Variants in BACH2 observed in about 807,000 individuals in gnomAD.
BACH2 encodes transcription regulator protein BACH2.
Under a neutral mutation model 61.8 loss-of-function variants are expected in BACH2, and 5 were observed. The observed-to-expected ratio is 0.08, with a 90% CI of 0.04 to 0.17. The LOEUF (loss-of-function observed/expected upper bound fraction) is 0.17. BACH2 is among the 10% of genes least tolerant of loss of function. The probability of loss-of-function intolerance (pLI) is 1.00; values close to 1 mark genes in which losing one functional copy is unlikely to be tolerated. For synonymous variants in BACH2, 446 were observed against 440.1 expected (o/e 1.01, Z -0.17); for missense variants, 824 against 1,091.1 (o/e 0.76, Z 3.45).
chr6:89,987,691 G>T (rs1054196495), intron 6 of BACH2, among the ~76,000 whole-genome samples: 3 of 152,082 alleles, frequency 2.0e-5, no homozygotes, highest in Admixed American at 2.0e-4. Flanking sequence ...TCTCTTCAGT[G>T]GTGGTGAGCT....
At chr6:90,256,043 G>A (rs1339504908) in intron 2 of BACH2, among the ~76,000 whole-genome samples, 5 of 152,062 alleles carry the variant, frequency 3.3e-5, no homozygotes, top group African/African-American at 9.7e-5. Context: ...TCCAAATTCT[G>A]AATTTCAAAC....
chr6:90,033,351 T>TAAAAAAAAAAA (rs57759686), intron 5 of BACH2, among the ~76,000 whole-genome samples: 2 of 83,376 alleles, frequency 2.4e-5, no homozygotes, highest in Non-Finnish European at 5.5e-5. Flanking sequence ...GAAACTTAAA[T>TAAAAAAAAAAA]AAAAAAAAAA....
chr6:90,006,733 C>G (rs1459233987), intron 6 of BACH2, among the ~76,000 whole-genome samples: 2 of 152,066 alleles, frequency 1.3e-5, no homozygotes, highest in Non-Finnish European at 2.9e-5. Context: ...CCTCCCTCCT[C>G]AGCCTCCTGA....
intron 5 of BACH2, among the ~76,000 whole-genome samples, chr6:90,048,482 G>C (rs919844111): frequency 6.6e-6 from 1 of 152,122 alleles, no homozygotes; most frequent in African/African-American, 2.4e-5. Flanking sequence ...AAAGGTCTTT[G>C]GTGTCAATGC....
At chr6:90,052,794 T>C (rs1780115994) in intron 5 of BACH2, among the ~76,000 whole-genome samples, 1 of 152,246 alleles carries the variant, frequency 6.6e-6, no homozygotes, top group Admixed American at 6.5e-5. Flanking sequence ...CGAATACGAA[T>C]TGTTAAATGT....
chr6:90,012,123 T>C (rs1337438118), intron 5 of BACH2, among the ~76,000 whole-genome samples: 2 of 152,100 alleles, frequency 1.3e-5, no homozygotes, highest in Non-Finnish European at 2.9e-5. Flanking sequence ...GTTACTATCA[T>C]AGTGTCTTGA....
chr6:90,229,370 G>A (rs924979128), intron 3 of BACH2, among the ~76,000 whole-genome samples: 1 of 152,034 alleles, frequency 6.6e-6, no homozygotes, highest in African/African-American at 2.4e-5. Context: ...TGAGGCCAGA[G>A]AATTGCTTGA....
At chr6:89,981,128 ATTCGC>A (rs1281860277) in intron 6 of BACH2, among the ~76,000 whole-genome samples, 46 of 146,902 alleles carry the variant, frequency 3.1e-4, no homozygotes, top group Non-Finnish European at 6.1e-4. Flanking sequence ...GTTCATCGTG[ATTCGC>A]TTTTTTTTTT....
chr6:90,173,381 A>T (rs900437718), intron 4 of BACH2, among the ~76,000 whole-genome samples: 12 of 152,188 alleles, frequency 7.9e-5, no homozygotes, highest in African/African-American at 2.9e-4. Context: ...TATCCACAAT[A>T]GTTGAAAAAA....
intron 3 of BACH2, among the ~76,000 whole-genome samples, chr6:90,249,855 G>C (rs760068848): frequency 2.0e-5 from 3 of 152,130 alleles, no homozygotes; most frequent in Non-Finnish European, 4.4e-5. Flanking sequence ...ACCCTACCAA[G>C]AATTTGTATT....
intron 5 of BACH2, among the ~76,000 whole-genome samples, chr6:90,058,839 T>C (rs1390989548): frequency 1.3e-5 from 2 of 152,200 alleles, no homozygotes; most frequent in African/African-American, 4.8e-5. Context: ...AACTATCTGA[T>C]CTTTGACAAA....
intron 3 of BACH2, among the ~76,000 whole-genome samples, chr6:90,222,816 T>G (rs182188992): frequency 6.6e-6 from 1 of 152,252 alleles, no homozygotes; most frequent in Admixed American, 6.5e-5. Context: ...CTTAGTCACC[T>G]GCTCTGTCCT....
chr6:90,058,506 C>A (rs1240524870), intron 5 of BACH2, among the ~76,000 whole-genome samples: 1 of 152,184 alleles, frequency 6.6e-6, no homozygotes, highest in African/African-American at 2.4e-5. Flanking sequence ...ATTCCATGCT[C>A]ATGGGTAGGA....
intron 5 of BACH2, among the ~76,000 whole-genome samples, chr6:90,060,651 G>T (rs978565346): frequency 4.6e-5 from 7 of 151,530 alleles, no homozygotes; most frequent in African/African-American, 1.7e-4. Context: ...ATATATTAAC[G>T]CTAGTTTTGC....
intron 4 of BACH2, among the ~76,000 whole-genome samples, chr6:90,136,724 G>C (rs1784282621): frequency 2.0e-5 from 3 of 151,480 alleles, no homozygotes; most frequent in Admixed American, 2.0e-4. Context: ...AGATTAAGAT[G>C]AAAAAAAGGC....
At chr6:90,076,218 G>T (rs992869506) in intron 5 of BACH2, among the ~76,000 whole-genome samples, 22 of 152,242 alleles carry the variant, frequency 1.4e-4, no homozygotes, top group African/African-American at 5.1e-4. Context: ...GACACGTAAA[G>T]GAAGGGTGGA....
At position 90,031,287 on chromosome 6, in the gene BACH2, T is replaced by C. The variant is rs568750778; in HGVS notation, c.-12-22431A>G. Among the ~76,000 whole-genome samples, 514 of 151,714 alleles carry C rather than the reference T, an allele frequency of 3.4e-3. 1 individual carries two copies. Among genetic ancestry groups the C allele is most frequent in the East Asian group, 5.8e-3 (30 of 5,134 alleles). On this transcript the variant is annotated intron_variant, in intron 5 of 8. Coordinates refer to ENST00000257749, the MANE Select transcript of BACH2 (RefSeq NM_021813.4). Reference sequence around the variant, plus strand: ...AAACTGGAAGCATTCCCTTTGAAAATTGGCACAAGACAGGGATGCCCTCTC... The same window carrying C: ...AAACTGGAAGCATTCCCTTTGAAAACTGGCACAAGACAGGGATGCCCTCTC...
At chr6:90,241,994 T>G (rs1770471748) in intron 3 of BACH2, among the ~76,000 whole-genome samples, 2 of 151,922 alleles carry the variant, frequency 1.3e-5, no homozygotes, top group South Asian at 4.1e-4. Flanking sequence ...ATAGAAAAAC[T>G]AAGCCAAAAG....
At chr6:90,245,276 T>C (rs1190043277) in intron 3 of BACH2, among the ~76,000 whole-genome samples, 2 of 151,926 alleles carry the variant, frequency 1.3e-5, no homozygotes, top group Non-Finnish European at 2.9e-5. Context: ...TTCCTTAAAA[T>C]ACAATTCATT....
Sources: gnomAD v4.1 joint callset for allele counts (sites outside exome capture counted in the v4.1 genomes callset) on GRCh38, gnomAD v4.1.1 for gene constraint, MANE v1.5 for transcripts, NCBI Gene and HGNC (gene_info 2026-07-23, HGNC 2026-07-21) for gene names.